Variants in ATP10B observed in about 807,000 individuals in gnomAD.
ATP10B encodes the protein ATPase phospholipid transporting 10B (putative).
ATP10B carries 122 observed loss-of-function variants against 141.2 expected under a neutral mutation model. That is an observed-to-expected ratio of 0.86 (90% CI 0.75 to 1.00). The LOEUF (loss-of-function observed/expected upper bound fraction) is 1.00. ATP10B is among the 50% of genes least tolerant of loss of function. ATP10B has a pLI of 0.00. For missense variants in ATP10B, 1,876 were observed against 1,825.3 expected, an observed-to-expected ratio of 1.03 and a Z score of -0.51; for synonymous variants, 685 against 692.0, an observed-to-expected ratio of 0.99 and a Z score of 0.16.
At chr5:160,757,307 A>G (rs950317227) in intron 2 of ATP10B, among the ~76,000 whole-genome samples, 2 of 152,212 alleles carry the variant, frequency 1.3e-5, no homozygotes, top group African/African-American at 2.4e-5. Context: ...TTCATTTGCC[A>G]TGAAAGTAGT....
Position 160,588,205 on chromosome 5 carries a change from TTCTC to T in ATP10B, c.3750+1383_3750+1386del, listed in dbSNP as rs539878429. Among the ~76,000 whole-genome samples, 9 of 152,340 alleles carry T rather than the reference TTCTC, an allele frequency of 5.9e-5. No individual in the cohort carries two copies. The South Asian group carries it at 1.9e-3, about 32-fold the overall frequency. On this transcript the variant is annotated intron_variant, in intron 24 of 25. Transcript: ENST00000327245. The stretch of plus-strand genomic sequence containing the variant: ...TCATCTGTAAACAGACAATTTTACT[TTCTC>T]TCTTTCTATTTGAATACCCTTTATT...
chr5:160,782,477 A>ACACT (rs199911740), intron 2 of ATP10B, among the ~76,000 whole-genome samples: 9 of 145,352 alleles, frequency 6.2e-5, no homozygotes, highest in Admixed American at 4.8e-4. Context: ...ACACACACAC[A>ACACT]CACTCACTCA....
the ATP10B span, among the ~76,000 whole-genome samples, chr5:160,885,059 G>A: frequency 6.6e-6 from 1 of 152,106 alleles, no homozygotes; most frequent in Non-Finnish European, 1.5e-5. Flanking sequence ...TTTATCCCTG[G>A]CTACCCTGTT....
chr5:160,670,768 A>C, intron 6 of ATP10B, 101 bp from the exon 7 acceptor site: 1 of 1,039,664 alleles, frequency 9.6e-7, no homozygotes, highest in Non-Finnish European at 1.4e-6. Context: ...CTATCCACCA[A>C]GTCAGCCTGT....
At chr5:160,818,847 T>A (rs1773887231) in intron 1 of ATP10B, among the ~76,000 whole-genome samples, 1 of 152,122 alleles carries the variant, frequency 6.6e-6, no homozygotes, top group Non-Finnish European at 1.5e-5. Context: ...ATGTCCTTGG[T>A]AGGGACATGG....
chr5:160,883,432 C>T, the ATP10B span, among the ~76,000 whole-genome samples: 1 of 151,932 alleles, frequency 6.6e-6, no homozygotes, highest in Non-Finnish European at 1.5e-5. Flanking sequence ...TTTATTAACC[C>T]TGAAAAAGGT....
the ATP10B span, among the ~76,000 whole-genome samples, chr5:160,890,036 C>A: frequency 6.6e-6 from 1 of 152,312 alleles, no homozygotes; most frequent in South Asian, 2.1e-4. Flanking sequence ...CCCTGACTCC[C>A]TCCTGGCAAT....
chr5:160,722,782 C>G (rs910166289), intron 2 of ATP10B, among the ~76,000 whole-genome samples: 1 of 152,198 alleles, frequency 6.6e-6, no homozygotes, highest in Non-Finnish European at 1.5e-5. Context: ...CTCCTGCTTC[C>G]CTCCAGCCAT....
intron 24 of ATP10B, among the ~76,000 whole-genome samples, chr5:160,569,915 G>C (rs983753016): frequency 2.4e-4 from 36 of 152,088 alleles, no homozygotes; most frequent in African/African-American, 8.7e-4. Flanking sequence ...CCTGCTTTTG[G>C]TGATAATTTC....
At chr5:160,584,357 T>C (rs965046573) in intron 24 of ATP10B, among the ~76,000 whole-genome samples, 9 of 152,118 alleles carry the variant, frequency 5.9e-5, no homozygotes, top group Non-Finnish European at 1.0e-4. Flanking sequence ...CTCTGTGGGC[T>C]GCAACCACTG....
At chr5:160,875,743 G>T in the ATP10B span, among the ~76,000 whole-genome samples, 2,159 of 47,680 alleles carry the variant, frequency 0.045, 66 homozygotes, top group East Asian at 0.085. Context: ...TCCTAGTCTC[G>T]GATAAAACAG....
At chr5:160,698,267 CTCTT>C (rs141398062) in intron 3 of ATP10B, among the ~76,000 whole-genome samples, 1,608 of 152,244 alleles carry the variant, frequency 0.011, 23 homozygotes, top group African/African-American at 0.036. Context: ...CCTTTGACCT[CTCTT>C]TCATTTACTA....
upstream of ATP10B, among the ~76,000 whole-genome samples, chr5:160,856,821 TATG>T (rs1198883760): frequency 6.6e-6 from 1 of 151,858 alleles, no homozygotes; most frequent in African/African-American, 2.4e-5. Context: ...CATTAATTGA[TATG>T]ATCATGTAAT....
In ATP10B at chr5:160,644,131, C is replaced by T. The variant is rs536476201; in HGVS notation, c.868+7G>A. 1.2e-6 allele frequency: 2 copies of T among 1,611,844 alleles called. No homozygotes were observed. The highest frequency in any genetic ancestry group is 1.3e-5 in the African/African-American group (1 of 74,950). The stretch of plus-strand genomic sequence containing the variant: ...ATTCAGACAAAAGAAACTACCCAGA[C>T]AATGACCTGCATAGATGACAATGCC... On this transcript the variant is annotated splice_region_variant and intron_variant, in intron 9 of 25. Coordinates refer to ENST00000327245, the MANE Select transcript of ATP10B (RefSeq NM_025153.3).
chr5:160,686,052 A>C (rs778953109), intron 6 of ATP10B, 27 bp downstream of exon 6: 1 of 1,507,998 alleles, frequency 6.6e-7, no homozygotes, highest in Non-Finnish European at 8.9e-7. Flanking sequence ...CATTTGCAAG[A>C]GAGAACACAG....
At chr5:160,906,056 C>T in the ATP10B span, among the ~76,000 whole-genome samples, 2 of 152,100 alleles carry the variant, frequency 1.3e-5, no homozygotes, top group African/African-American at 4.8e-5. Flanking sequence ...AGAAATATGC[C>T]CCAAGAAGTT....
intron 1 of ATP10B, among the ~76,000 whole-genome samples, chr5:160,792,366 C>T (rs527777632): frequency 9.1e-4 from 139 of 152,260 alleles, no homozygotes; most frequent in African/African-American, 3.1e-3. Flanking sequence ...AAACCCTCTT[C>T]CTGGATCTAA....
intron 1 of ATP10B, among the ~76,000 whole-genome samples, chr5:160,817,973 C>T (rs1773792885): frequency 6.6e-6 from 1 of 152,172 alleles, no homozygotes; most frequent in African/African-American, 2.4e-5. Context: ...TGGATCCCTT[C>T]CTTACACCTT....
chr5:160,647,435 T>C (rs1229492970), intron 8 of ATP10B, among the ~76,000 whole-genome samples: 1 of 152,196 alleles, frequency 6.6e-6, no homozygotes, highest in East Asian at 1.9e-4. Context: ...CCCAGTCATG[T>C]GGAGGAAGGA....
Sources: gnomAD v4.1 joint callset for allele counts (sites outside exome capture counted in the v4.1 genomes callset) on GRCh38, gnomAD v4.1.1 for gene constraint, MANE v1.5 for transcripts, NCBI Gene and HGNC (gene_info 2026-07-23, HGNC 2026-07-21) for gene names.